The following SLC2A12 variants were observed in gnomAD, a reference collection of about 807,000 sequenced individuals.
SLC2A12 encodes the protein solute carrier family 2 member 12.
A neutral mutation model predicts 41.8 loss-of-function variants in SLC2A12; 23 were observed. The observed-to-expected ratio is 0.55, with a 90% CI of 0.40 to 0.78. SLC2A12 has a LOEUF of 0.78. Among genes scored for constraint, SLC2A12 ranks in the 30% least tolerant of loss-of-function variants. The pLI is 0.00. For synonymous variants in SLC2A12, 295 were observed against 285.9 expected, an observed-to-expected ratio of 1.03 and a Z score of -0.32; for missense variants, 654 against 745.6, an observed-to-expected ratio of 0.88 and a Z score of 1.43.
chr6:133,995,253 T>A (rs1205786098), intron 4 of SLC2A12, among the ~76,000 whole-genome samples: 3 of 151,706 alleles, frequency 2.0e-5, no homozygotes, highest in African/African-American at 4.9e-5. Context: ...AGCAGGTTTC[T>A]GTGCTGATGA....
intron 2 of SLC2A12, among the ~76,000 whole-genome samples, chr6:134,025,361 A>G (rs1367020702): frequency 1.3e-5 from 2 of 152,200 alleles, no homozygotes. Flanking sequence ...AATGCAGTGA[A>G]TATCCTTTCT....
At chr6:134,032,167 T>C (rs1777217060) in intron 1 of SLC2A12, among the ~76,000 whole-genome samples, 1 of 151,718 alleles carries the variant, frequency 6.6e-6, no homozygotes, top group Non-Finnish European at 1.5e-5. Flanking sequence ...ATTTTCCATC[T>C]CCAGGATCCT....
intron 1 of SLC2A12, among the ~76,000 whole-genome samples, chr6:134,051,087 T>C (rs1773677367): frequency 6.6e-6 from 1 of 152,152 alleles, no homozygotes; most frequent in Admixed American, 6.5e-5. Context: ...GCTAATTTTT[T>C]TATTTTTCTG....
intron 1 of SLC2A12, among the ~76,000 whole-genome samples, chr6:134,040,336 C>T (rs1408469216): frequency 6.6e-6 from 1 of 152,132 alleles, no homozygotes; most frequent in Non-Finnish European, 1.5e-5. Context: ...ACCTCAGCCT[C>T]CCAAAGTGCT....
Position 134,028,534 on chromosome 6 carries a change from C to T in SLC2A12, c.1291G>A (p.Glu431Lys), listed in dbSNP as rs761007618. 1.5e-5 allele frequency: 25 copies of T among 1,614,040 alleles called. No individual in the cohort carries two copies. In the Admixed American group the frequency reaches 3.7e-4, roughly 24 times the overall value. ...TTTAGCAAGGATGCTGAGGTCGTCT[C>T]CCCTCTCTTATCCACATCATTTCTC... ...PLRNDVDKRG[E>K]TTSASLLNAG... Residue 431 changes from glutamate (E) to lysine (K), a missense_variant, in exon 2 of 5, where the codon GAG becomes AAG. By Grantham distance (56) the Glu-to-Lys change is moderately conservative. Around this residue, in one of 3 missense-constraint regions of SLC2A12, gnomAD observed 411 missense variants for 412.1 expected, o/e 1.00. Coordinates refer to ENST00000275230, the MANE Select transcript of SLC2A12 (RefSeq NM_145176.3).
chr6:134,041,946 A>T lies in SLC2A12; in HGVS notation c.103+10432T>A, dbSNP rs147278916. 6.6e-5 allele frequency among the ~76,000 whole-genome samples: 10 copies of T among 152,294 alleles called. No homozygotes were observed. In the East Asian group the frequency reaches 1.9e-3, roughly 29 times the overall value. On this transcript the variant is annotated intron_variant, in intron 1 of 4. Coordinates refer to ENST00000275230, the MANE Select transcript of SLC2A12 (RefSeq NM_145176.3). ...GTGTGAGCCTTGGTGAGCCATGGAC[A>T]TTTGAAAACCGACATCTCCGAAAGG... is the stretch of plus-strand genomic sequence containing the variant.
chr6:134,002,885 G>C (rs1165120690), intron 3 of SLC2A12, among the ~76,000 whole-genome samples: 1 of 151,994 alleles, frequency 6.6e-6, no homozygotes, highest in Non-Finnish European at 1.5e-5. Flanking sequence ...TCCAGCCAAA[G>C]ATACAGTCCC....
Position 134,029,088 on chromosome 6 carries a change from G to A in SLC2A12, c.737C>T (p.Thr246Ile). Residue 246 changes from threonine to isoleucine, a missense_variant, in exon 2 of 5, where the codon ACA becomes ATA. Thr to Ile is a moderately conservative substitution (Grantham distance 89, BLOSUM62 -1). Transcript: ENST00000275230. ...VLGRLRALSD[T>I]TEELTVIKSS... ...TTTGATCACAGTGAGTTCCTCAGTT[G>A]TATCTGAGAGTGCTCTTAACCTTCC... 1.2e-6 allele frequency: 2 copies of A among 1,614,168 alleles called. No individual in the cohort carries two copies. The highest frequency in any genetic ancestry group is 1.7e-6 in the Non-Finnish European group (2 of 1,180,030).
intron 1 of SLC2A12, among the ~76,000 whole-genome samples, chr6:134,036,137 C>T (rs1051758562): frequency 2.6e-5 from 4 of 152,212 alleles, no homozygotes; most frequent in South Asian, 2.1e-4. Flanking sequence ...ATCCTACAGC[C>T]AGCTGAAAAG....
intron 1 of SLC2A12, among the ~76,000 whole-genome samples, chr6:134,045,040 G>A (rs1256285123): frequency 6.6e-6 from 1 of 152,128 alleles, no homozygotes; most frequent in African/African-American, 2.4e-5. Context: ...ACATGGATGT[G>A]ATCCCTCATG....
chr6:134,036,400 C>T (rs1179376886), intron 1 of SLC2A12, among the ~76,000 whole-genome samples: 1 of 152,214 alleles, frequency 6.6e-6, no homozygotes, highest in African/African-American at 2.4e-5. Flanking sequence ...CACCTCATTT[C>T]TGAAGTCCAC....
At chr6:134,050,099 C>T (rs74387857) in intron 1 of SLC2A12, among the ~76,000 whole-genome samples, 1 of 152,128 alleles carries the variant, frequency 6.6e-6, no homozygotes, top group Non-Finnish European at 1.5e-5. Flanking sequence ...AATCTCAACA[C>T]CTTCATAAAA....
chr6:134,028,290 T>C, intron 2 of SLC2A12, 91 bp downstream of exon 2: 1 of 1,470,940 alleles, frequency 6.8e-7, no homozygotes, highest in Non-Finnish European at 9.1e-7. Context: ...GTTATCCTTG[T>C]CTTCCTTCTA....
intron 1 of SLC2A12, 118 bp from the exon 2 acceptor site, chr6:134,029,839 A>G: frequency 8.1e-7 from 1 of 1,233,882 alleles, no homozygotes; most frequent in Non-Finnish European, 1.1e-6. Context: ...TTAAACGAAC[A>G]CACAATTATG....
chr6:134,008,745 G>A (rs924682689), intron 2 of SLC2A12, among the ~76,000 whole-genome samples: 5 of 152,128 alleles, frequency 3.3e-5, no homozygotes, highest in African/African-American at 7.2e-5. Context: ...ATATAAATCC[G>A]ATTTTGAAGC....
At chr6:134,027,309 C>A (rs1187122559) in intron 2 of SLC2A12, among the ~76,000 whole-genome samples, 1 of 152,190 alleles carries the variant, frequency 6.6e-6, no homozygotes. Flanking sequence ...TACCTAGAAC[C>A]AGAGCCCTAC....
chr6:134,013,871 A>G (rs938822616), intron 2 of SLC2A12, among the ~76,000 whole-genome samples: 2 of 152,228 alleles, frequency 1.3e-5, no homozygotes, highest in Non-Finnish European at 2.9e-5. Context: ...GGTTTTTACA[A>G]TTTTGAACAT....
intron 2 of SLC2A12, among the ~76,000 whole-genome samples, chr6:134,014,130 G>T (rs953335839): frequency 2.6e-5 from 4 of 152,184 alleles, no homozygotes; most frequent in Non-Finnish European, 4.4e-5. Flanking sequence ...TTCCACAGAC[G>T]GGGGCAGGAG....
At chr6:134,035,049 G>T (rs1355974724) in intron 1 of SLC2A12, among the ~76,000 whole-genome samples, 4 of 150,222 alleles carry the variant, frequency 2.7e-5, no homozygotes, top group Non-Finnish European at 5.9e-5. Context: ...TCTTCTTCCT[G>T]CTGTTGGGGC....
Sources: gnomAD v4.1 joint callset for allele counts (sites outside exome capture counted in the v4.1 genomes callset) on GRCh38, gnomAD v4.1.1 for gene constraint, gnomAD v4.1.1 regional missense constraint, MANE v1.5 for transcripts, NCBI Gene and HGNC (gene_info 2026-07-23, HGNC 2026-07-21) for gene names.